ARHGAP9: variants seen among roughly 807,000 people sequenced by gnomAD.
The protein encoded by ARHGAP9 is rho GTPase-activating protein 9.
ARHGAP9 carries 76 observed loss-of-function variants against 87.3 expected under a neutral mutation model. The ratio of observed to expected loss-of-function variants is 0.87; its 90% CI spans 0.72 to 1.05. The LOEUF (loss-of-function observed/expected upper bound fraction) is 1.05. Ranked by LOEUF, ARHGAP9 falls within the 50% of genes least tolerant of loss-of-function variation. The pLI is 0.00. For synonymous variants in ARHGAP9, 382 were observed against 394.9 expected (o/e 0.97, Z 0.39); for missense variants, 941 against 960.5 (o/e 0.98, Z 0.27).
upstream of ARHGAP9, among the ~76,000 whole-genome samples, chr12:57,484,597 T>C (rs1193275573): frequency 6.6e-6 from 1 of 152,184 alleles, no homozygotes; most frequent in Non-Finnish European, 1.5e-5. Flanking sequence ...CATAACTTTA[T>C]GCCTCAGTTC....
At chr12:57,476,760 A>G (rs1594779170) in intron 6 of ARHGAP9, 109 bp from the exon 7 acceptor site, 1 of 1,313,860 alleles carries the variant, frequency 7.6e-7, no homozygotes, top group Non-Finnish European at 1.0e-6. Flanking sequence ...TTGCTGGGGG[A>G]GGGCTGGGTA....
At position 57,475,727 on chromosome 12, in the gene ARHGAP9, C is replaced by A. The variant is rs1000647848; in HGVS notation, c.1311+106G>T. 4.0e-6 allele frequency: 6 copies of A among 1,493,220 alleles called. No individual in the cohort carries two copies. In the East Asian group the frequency reaches 9.3e-5, roughly 23 times the overall value. 92.5% of individuals were successfully genotyped at this position (1,493,220 alleles called of 1,614,324 possible). On this transcript the variant is annotated intron_variant, in intron 10 of 17. Transcript: ENST00000393791. ...CATCCCGGCCCAGGCAAGGGCTCTCCACTGAGCCCACCCTGCCCCCAACTG... is the reference window on the plus strand; with the variant it reads ...CATCCCGGCCCAGGCAAGGGCTCTCAACTGAGCCCACCCTGCCCCCAACTG...
intron 6 of ARHGAP9, 74 bp downstream of exon 6, chr12:57,476,797 T>C (rs1247562105): frequency 9.3e-6 from 14 of 1,501,858 alleles, no homozygotes; most frequent in Admixed American, 1.7e-5. Flanking sequence ...GAGGAAGATG[T>C]TTATGTGGAG....
chr12:57,472,791 G>C, intron 17 of ARHGAP9, 103 bp from the exon 18 acceptor site: 1 of 1,260,272 alleles, frequency 7.9e-7, no homozygotes. Flanking sequence ...GTTCACTCTG[G>C]GATTCCTCCA....
chr12:57,472,512 C>T lies in ARHGAP9; in HGVS notation c.*5G>A. 1 of 1,613,862 alleles carries T rather than the reference C, an allele frequency of 6.2e-7. No homozygotes were observed. The highest frequency in any genetic ancestry group is 8.5e-7 in the Non-Finnish European group (1 of 1,179,790). On this transcript the variant is annotated 3_prime_UTR_variant, in exon 18 of 18. Transcript: ENST00000393791. ...AAATATGTTTTCTCTTCTTCCTTCC[C>T]TGCATCAGGGGAAGAGGCTGGTGAA...
At position 57,476,079 on chromosome 12, in the gene ARHGAP9, C is replaced by T. The variant is rs1159828037; in HGVS notation, c.1204G>A (p.Val402Ile). 1.3e-6 allele frequency: 2 copies of T among 1,536,010 alleles called. No individual in the cohort carries two copies. Among genetic ancestry groups the T allele is most frequent in the Non-Finnish European group, 8.8e-7 (1 of 1,142,358 alleles). The change falls in exon 9 of 18, where the codon GTC (valine) becomes ATC (isoleucine). Residue 402 changes from valine to isoleucine, a missense_variant. By Grantham distance (29) the Val-to-Ile change is conservative (BLOSUM62 3). Coordinates refer to ENST00000393791, the MANE Select transcript of ARHGAP9 (RefSeq NM_032496.4). Reference sequence around the variant, plus strand: ...CGCGGGAGGGCGCTCACGTGCAGGACGTTGCGGCGGCTGGACAGGTGGCGG... The same window carrying T: ...CGCGGGAGGGCGCTCACGTGCAGGATGTTGCGGCGGCTGGACAGGTGGCGG... ...HGRHLSSRRNVLHIRTIPGHE... is the reference protein window; with the variant it reads ...HGRHLSSRRNILHIRTIPGHE...
rs771769575 is a variant in ARHGAP9, at chr12:57,476,600, GC to G, written c.1014del (p.Arg339AlafsTer14). ...ATTCTGGGTTCTCACCTGAGCTTGC[GC>G]CCCCCTTGGGCAATCTTGGTCATGT... is the stretch of plus-strand genomic sequence containing the variant. ...LLNMTKIAQGGRKLRKNWGPS... is the reference protein window; with the variant it reads ...LLNMTKIAQGXRKLRKNWGPS... On this transcript the variant is annotated frameshift_variant, in exon 7 of 18. Transcript: ENST00000393791. LOFTEE classifies it high-confidence loss of function. 6.2e-6 allele frequency: 10 copies of G among 1,614,000 alleles called. No homozygotes were observed. The highest frequency in any genetic ancestry group is 8.5e-6 in the Non-Finnish European group (10 of 1,180,032).
At chr12:57,477,316 T>C (rs1874135295) in intron 4 of ARHGAP9, 47 bp from the exon 5 acceptor site, 6 of 1,519,964 alleles carry the variant, frequency 3.9e-6, no homozygotes, top group Non-Finnish European at 5.3e-6. Flanking sequence ...ATGCCACCTC[T>C]ACCCACTCTC....
chr12:57,474,794 A>G (rs1872972563), intron 13 of ARHGAP9, 81 bp downstream of exon 13: 1 of 1,604,652 alleles, frequency 6.2e-7, no homozygotes, highest in Non-Finnish European at 8.5e-7. Context: ...GGCAGTAGGA[A>G]GACTAGGTAG....
intron 2 of ARHGAP9, 49 bp downstream of exon 2, chr12:57,479,042 G>C (rs750584219): frequency 1.3e-5 from 20 of 1,585,770 alleles, no homozygotes; most frequent in Non-Finnish European, 1.6e-5. Context: ...GAGGTAGGAA[G>C]GTGATGGGAG....
rs528470415 is a variant in ARHGAP9 at position 57,475,751 on chromosome 12, T to G, written c.1311+82A>C. The G allele has an allele frequency of 3.8e-5, 60 of 1,558,922 alleles. No individual in the cohort carries two copies. In the South Asian group the frequency reaches 7.0e-4, roughly 18 times the overall value. The stretch of plus-strand genomic sequence containing the variant: ...CCACTGAGCCCACCCTGCCCCCAAC[T>G]GCTCCTGACTCCTATCGTTCCTACC... On this transcript the variant is annotated intron_variant, in intron 10 of 17. Coordinates refer to ENST00000393791, the MANE Select transcript of ARHGAP9 (RefSeq NM_032496.4).
exon 1 of ARHGAP9, chr12:57,488,654 G>C: frequency 6.4e-7 from 1 of 1,550,642 alleles, no homozygotes; most frequent in South Asian, 1.2e-5. Flanking sequence ...CTCTTAGGAG[G>C]TTCTCTTGTA....
Position 57,476,962 on chromosome 12 carries a change from C to A in ARHGAP9, c.872G>T (p.Gly291Val). The A allele has an allele frequency of 6.2e-7, 1 of 1,612,662 alleles. No individual in the cohort carries two copies. The highest frequency in any genetic ancestry group is 8.5e-7 in the Non-Finnish European group (1 of 1,179,772). Residue 291 changes from glycine to valine, a missense_variant and splice_region_variant, in exon 6 of 18, where the codon GGT (glycine) becomes GTT (valine). Transcript: ENST00000393791. ...GGTGCGTTGGCTGAGGCTGAGTGAACCCTAGGGGAGAGGATTGGAGAAACA... is the reference window on the plus strand; with the variant it reads ...GGTGCGTTGGCTGAGGCTGAGTGAAACCTAGGGGAGAGGATTGGAGAAACA... Reference protein sequence around the residue: ...TGTPEPLDPQGSLSLSQRTSQ... With the variant: ...TGTPEPLDPQVSLSLSQRTSQ...
At chr12:57,488,039 C>G in intron 1 of ARHGAP9, 1 of 1,524,620 alleles carries the variant, frequency 6.6e-7, no homozygotes, top group Non-Finnish European at 9.1e-7. Context: ...GGCCGCTGAA[C>G]TCAGAAGCGG....
intron 1 of ARHGAP9, chr12:57,488,423 C>G (rs1875632273): frequency 1.2e-6 from 1 of 803,258 alleles, no homozygotes. Context: ...CTCTCCTCCC[C>G]TCTTCCGTCT....
At chr12:57,476,821 GA>G (rs776440032) in intron 6 of ARHGAP9, 49 bp downstream of exon 6, 48 of 1,507,562 alleles carry the variant, frequency 3.2e-5, no homozygotes, top group South Asian at 1.0e-4. Flanking sequence ...GAAAAGGGGG[GA>G]GGGGGGGCAG....
rs562377926 is a variant in ARHGAP9 at position 57,476,359 on chromosome 12, C to G, written c.1116+5G>C. ...ACCCATCCTGCGCCTCTCGCTCACA[C>G]TCACCCAGCCTGAGGAGGGCGCTGT... On this transcript the variant is annotated splice_donor_5th_base_variant and intron_variant, in intron 8 of 17. Coordinates refer to ENST00000393791, the MANE Select transcript of ARHGAP9 (RefSeq NM_032496.4). 1.2e-5 allele frequency: 20 copies of G among 1,613,724 alleles called. No individual in the cohort carries two copies. In the South Asian group the frequency reaches 1.9e-4, roughly 15 times the overall value.
chr12:57,479,578 G>A (rs1326903688), intron 1 of ARHGAP9, 152 bp downstream of exon 1: 18 of 1,519,060 alleles, frequency 1.2e-5, no homozygotes, highest in East Asian at 7.4e-5. Flanking sequence ...GGTGAGGATC[G>A]GTGACAGGTT....
At chr12:57,480,666 G>T, upstream of ARHGAP9, 2 of 979,622 alleles carry the variant, frequency 2.0e-6, no homozygotes, top group South Asian at 1.4e-5. Context: ...AATGCAAGAC[G>T]CTATGACAGG....
Sources: allele counts gnomAD v4.1 joint callset (sites outside exome capture counted in the v4.1 genomes callset), GRCh38; gene constraint gnomAD v4.1.1; transcripts MANE v1.5; gene names NCBI Gene and HGNC (gene_info 2026-07-23, HGNC 2026-07-21).